PHF14: variants seen among roughly 807,000 people sequenced by gnomAD.
The protein encoded by PHF14 is PHD finger protein 14.
A neutral mutation model predicts 117.9 loss-of-function variants in PHF14; 55 were observed. That is an observed-to-expected ratio of 0.47 (90% CI 0.38 to 0.58). The LOEUF is 0.58. PHF14 is among the 20% of genes least tolerant of loss of function. The pLI is 0.00. For missense variants in PHF14, 978 were observed against 1,122.2 expected (o/e 0.87, Z 1.84); for synonymous variants, 409 against 368.6 (o/e 1.11, Z -1.26).
intron 17 of PHF14, among the ~76,000 whole-genome samples, chr7:11,165,142 C>T (rs1419524695): frequency 6.6e-6 from 1 of 152,192 alleles, no homozygotes; most frequent in Non-Finnish European, 1.5e-5. Context: ...CCAGGATAGT[C>T]TCGGTCTCTT....
At chr7:11,074,077 C>T (rs567542901) in intron 16 of PHF14, among the ~76,000 whole-genome samples, 4 of 152,284 alleles carry the variant, frequency 2.6e-5, no homozygotes, top group Non-Finnish European at 4.4e-5. Flanking sequence ...CTCCAAAATG[C>T]GTTCAATGCC....
At chr7:11,031,780 A>C (rs1378935635) in intron 7 of PHF14, among the ~76,000 whole-genome samples, 1 of 152,054 alleles carries the variant, frequency 6.6e-6, no homozygotes, top group Non-Finnish European at 1.5e-5. Flanking sequence ...TAAGTAAAAA[A>C]ATACCGAGCT....
At chr7:11,011,874 A>G (rs1278054370) in intron 4 of PHF14, among the ~76,000 whole-genome samples, 1 of 152,194 alleles carries the variant, frequency 6.6e-6, no homozygotes, top group Non-Finnish European at 1.5e-5. Flanking sequence ...ATTGTTGGTT[A>G]TCAGTAAGTA....
intron 5 of PHF14, among the ~76,000 whole-genome samples, chr7:11,019,244 C>G (rs150555547): frequency 2.0e-5 from 3 of 152,202 alleles, no homozygotes; most frequent in African/African-American, 7.2e-5. Flanking sequence ...TAACACTGGC[C>G]TCATAGAATG....
intron 17 of PHF14, among the ~76,000 whole-genome samples, chr7:11,131,765 T>C (rs1052634944): frequency 3.9e-5 from 6 of 151,930 alleles, no homozygotes; most frequent in Non-Finnish European, 8.8e-5. Flanking sequence ...TTTACATTTA[T>C]GTCTGTGATT....
At chr7:11,000,334 C>CTTTTTTTTT (rs71023882) in intron 4 of PHF14, among the ~76,000 whole-genome samples, 8 of 60,346 alleles carry the variant, frequency 1.3e-4, no homozygotes, top group Non-Finnish European at 2.4e-4. Flanking sequence ...GCTTATTTGC[C>CTTTTTTTTT]TTTTTTTTTT....
rs561914234 is a variant in PHF14, at chr7:11,123,731, G to A, written c.2772+12264G>A. Among the ~76,000 whole-genome samples the A allele has an allele frequency of 4.0e-5, 6 of 151,602 alleles. No homozygotes were observed. In the South Asian group the frequency reaches 1.3e-3, roughly 32 times the overall value. ...GGAGGCAGAGGCTGCAGTGAACCGAGATCACACCACTACACTCCAGCCTGG... is the reference window on the plus strand; with the variant it reads ...GGAGGCAGAGGCTGCAGTGAACCGAAATCACACCACTACACTCCAGCCTGG... On this transcript the variant is annotated intron_variant, in intron 17 of 17. Transcript: ENST00000634607.
intron 17 of PHF14, among the ~76,000 whole-genome samples, chr7:11,118,794 G>A (rs1165961219): frequency 6.6e-6 from 1 of 151,684 alleles, no homozygotes; most frequent in Non-Finnish European, 1.5e-5. Flanking sequence ...TAGTTTTCAT[G>A]GGAATCAGAT....
chr7:11,122,331 T>TTTATATATATATA (rs1236770638), intron 17 of PHF14, among the ~76,000 whole-genome samples: 1 of 84,046 alleles, frequency 1.2e-5, no homozygotes, highest in Non-Finnish European at 2.2e-5. Flanking sequence ...TTTGTACTTT[T>TTTATATATATATA]TATATATATA....
intron 5 of PHF14, among the ~76,000 whole-genome samples, chr7:11,020,622 T>C (rs1783702361): frequency 6.6e-6 from 1 of 152,058 alleles, no homozygotes; most frequent in Non-Finnish European, 1.5e-5. Flanking sequence ...TAAGTGATCC[T>C]CCTACCTCTG....
intron 7 of PHF14, 64 bp downstream of exon 7, chr7:11,028,882 T>C (rs1784021444): frequency 4.6e-6 from 6 of 1,315,986 alleles, no homozygotes; most frequent in Non-Finnish European, 5.3e-6. Flanking sequence ...CTCTATGTCC[T>C]ATAATAAGTG....
intron 17 of PHF14, among the ~76,000 whole-genome samples, chr7:11,127,171 G>A (rs1436422112): frequency 1.3e-5 from 2 of 151,242 alleles, no homozygotes; most frequent in Admixed American, 6.6e-5. Flanking sequence ...ATTCTCAGCA[G>A]CTCAGACCTC....
intron 16 of PHF14, among the ~76,000 whole-genome samples, chr7:11,087,624 T>G (rs1238977870): frequency 6.6e-6 from 1 of 152,180 alleles, no homozygotes; most frequent in Non-Finnish European, 1.5e-5. Flanking sequence ...ATTATTCCTT[T>G]TACTGACTAT....
At chr7:11,010,929 G>A (rs1266897043) in intron 4 of PHF14, among the ~76,000 whole-genome samples, 3 of 152,246 alleles carry the variant, frequency 2.0e-5, no homozygotes, top group African/African-American at 7.2e-5. Context: ...CATTGGGATT[G>A]CAGGCATGAA....
chr7:11,160,492 GAAA>G (rs1369664715), intron 17 of PHF14, among the ~76,000 whole-genome samples: 2 of 152,142 alleles, frequency 1.3e-5, no homozygotes, highest in Admixed American at 1.3e-4. Context: ...CACAGTGGCT[GAAA>G]AAATTTACAT....
intron 17 of PHF14, among the ~76,000 whole-genome samples, chr7:11,127,430 C>G (rs905732087): frequency 1.1e-4 from 16 of 152,156 alleles, no homozygotes; most frequent in Middle Eastern, 3.4e-3. Flanking sequence ...TAGAGTCTTG[C>G]TCTTTAACGG....
intron 7 of PHF14, among the ~76,000 whole-genome samples, chr7:11,029,117 A>G (rs928763561): frequency 6.6e-6 from 1 of 152,186 alleles, no homozygotes; most frequent in Non-Finnish European, 1.5e-5. Flanking sequence ...TTATAGTTAA[A>G]AAAAAATAGC....
chr7:11,035,721 G>A lies in PHF14; in HGVS notation c.1537G>A (p.Ala513Thr), dbSNP rs752373643. The A allele has an allele frequency of 1.2e-6, 2 of 1,610,966 alleles. No individual in the cohort carries two copies. The highest frequency in any genetic ancestry group is 1.7e-6 in the Non-Finnish European group (2 of 1,177,570). ...AAAGTGGAAGAGAAAAAACTACTTG[G>A]CTCTACAGTCCTATTGTAAAATGTC... ...DRKWKRKNYL[A>T]LQSYCKMSLQ... The change falls in exon 8 of 18, where the codon GCT (alanine) becomes ACT (threonine). Residue 513 changes from alanine (A) to threonine (T), a missense_variant. Around this residue, in one of 7 missense-constraint regions of PHF14, gnomAD observed 237 missense variants for 276.4 expected, o/e 0.86. Coordinates refer to ENST00000634607, the MANE Select transcript of PHF14 (RefSeq NM_001007157.2).
At chr7:11,129,810 TATG>T (rs1050848622) in intron 17 of PHF14, among the ~76,000 whole-genome samples, 1 of 152,010 alleles carries the variant, frequency 6.6e-6, no homozygotes, top group Non-Finnish European at 1.5e-5. Context: ...TGCATTTAAT[TATG>T]ATATCAAATT....
Sources: allele counts gnomAD v4.1 joint callset (sites outside exome capture counted in the v4.1 genomes callset), GRCh38; gene constraint gnomAD v4.1.1; regional missense constraint gnomAD v4.1.1; transcripts MANE v1.5; gene names NCBI Gene and HGNC (gene_info 2026-07-23, HGNC 2026-07-21).